AKAP19: variants seen among roughly 807,000 people sequenced by gnomAD.
AKAP19 encodes the protein A-kinase anchoring protein 19, also known as small A-kinase anchoring protein.
the AKAP19 span, among the ~76,000 whole-genome samples, chr2:189,958,479 A>G: frequency 6.7e-6 from 1 of 149,760 alleles, no homozygotes; most frequent in African/African-American, 2.4e-5. Flanking sequence ...ATATAGTAAT[A>G]TTTAATTAAG....
At chr2:189,888,500 GGA>G in the AKAP19 span, among the ~76,000 whole-genome samples, 2 of 152,090 alleles carry the variant, frequency 1.3e-5, no homozygotes, top group African/African-American at 4.8e-5. Flanking sequence ...AGCTTGATGG[GGA>G]TAGCATTGAA....
chr2:190,179,218 G>T, the AKAP19 span, among the ~76,000 whole-genome samples: 1 of 152,068 alleles, frequency 6.6e-6, no homozygotes, highest in Admixed American at 6.6e-5. The surrounding 1 kb of genome is among the most constrained non-coding windows in gnomAD (Gnocchi z 6.0). Flanking sequence ...GATCAGCCTG[G>T]CAAACATGGT....
the AKAP19 span, among the ~76,000 whole-genome samples, chr2:189,890,466 A>C: frequency 6.6e-6 from 1 of 152,030 alleles, no homozygotes; most frequent in Non-Finnish European, 1.5e-5. Flanking sequence ...TCAAGTCCTG[A>C]ATATCCTTGT....
At chr2:189,978,796 G>A in the AKAP19 span, among the ~76,000 whole-genome samples, 1 of 151,820 alleles carries the variant, frequency 6.6e-6, no homozygotes, top group South Asian at 2.1e-4. Flanking sequence ...TAGCATCCAA[G>A]CTGAGAACGA....
the AKAP19 span, among the ~76,000 whole-genome samples, chr2:190,004,726 G>A: frequency 6.6e-6 from 1 of 152,038 alleles, no homozygotes; most frequent in South Asian, 2.1e-4. Context: ...ATCATAACTA[G>A]CAGACACATC....
At chr2:190,164,589 T>C in the AKAP19 span, among the ~76,000 whole-genome samples, 1 of 152,170 alleles carries the variant, frequency 6.6e-6, no homozygotes, top group Non-Finnish European at 1.5e-5. Context: ...TATAATTTAT[T>C]TAGAATATTG....
chr2:190,160,318 G>A, the AKAP19 span, among the ~76,000 whole-genome samples: 2 of 146,232 alleles, frequency 1.4e-5, no homozygotes, highest in Non-Finnish European at 1.5e-5. Context: ...CTGTCTGGAT[G>A]GCACTAGGCT....
the AKAP19 span, among the ~76,000 whole-genome samples, chr2:189,883,441 C>G: frequency 3.3e-5 from 5 of 151,678 alleles, no homozygotes; most frequent in Non-Finnish European, 5.9e-5. Context: ...TCTCTGAAAT[C>G]AAGATGCTGA....
the AKAP19 span, among the ~76,000 whole-genome samples, chr2:190,157,295 A>G: frequency 6.6e-6 from 1 of 151,828 alleles, no homozygotes; most frequent in South Asian, 2.1e-4. Flanking sequence ...CATCAGTATG[A>G]AAATCTTAAT....
At chr2:189,890,806 A>G in the AKAP19 span, among the ~76,000 whole-genome samples, 7 of 152,162 alleles carry the variant, frequency 4.6e-5, no homozygotes, top group South Asian at 2.1e-4. Context: ...TTGAGCCTAT[A>G]TGTGTCTCTG....
chr2:190,031,124 AG>A, the AKAP19 span, among the ~76,000 whole-genome samples: 2 of 152,212 alleles, frequency 1.3e-5, no homozygotes. Context: ...GCCAGGTGAC[AG>A]GAGGATGGGT....
the AKAP19 span, among the ~76,000 whole-genome samples, chr2:189,941,458 T>C: frequency 6.6e-6 from 1 of 152,154 alleles, no homozygotes; most frequent in African/African-American, 2.4e-5. Context: ...TGAGACAACA[T>C]AAAGTCAAAA....
chr2:189,891,092 T>A, the AKAP19 span, among the ~76,000 whole-genome samples: 1 of 152,164 alleles, frequency 6.6e-6, no homozygotes, highest in Non-Finnish European at 1.5e-5. Context: ...TCAGGAGCTC[T>A]TGTAAGGCAG....
chr2:189,924,205 G>A, the AKAP19 span: 20 of 1,548,226 alleles, frequency 1.3e-5, no homozygotes, highest in East Asian at 1.1e-4. Flanking sequence ...CAATGGCGAG[G>A]ATGACTCTTA....
chr2:190,125,134 A>T, the AKAP19 span, among the ~76,000 whole-genome samples: 1 of 152,160 alleles, frequency 6.6e-6, no homozygotes, highest in East Asian at 1.9e-4. Context: ...TAAGGAGTAC[A>T]CTCTAAAGTA....
At chr2:190,068,455 G>A in the AKAP19 span, among the ~76,000 whole-genome samples, 1 of 152,050 alleles carries the variant, frequency 6.6e-6, no homozygotes, top group South Asian at 2.1e-4. Context: ...TCAGCCTCCT[G>A]AGTAGCTGGG....
the AKAP19 span, among the ~76,000 whole-genome samples, chr2:190,118,246 G>A: frequency 6.6e-6 from 1 of 152,166 alleles, no homozygotes; most frequent in African/African-American, 2.4e-5. Context: ...ACCAAAAAAA[G>A]TCCAAGACCA....
At chr2:189,930,362 G>T in the AKAP19 span, 2 of 476,468 alleles carry the variant, frequency 4.2e-6, no homozygotes, top group East Asian at 6.3e-5. Flanking sequence ...CAGTCCAGGT[G>T]GTAGATGTAC....
At chr2:190,202,221 T>C in the AKAP19 span, 6 of 167,182 alleles carry the variant, frequency 3.6e-5, no homozygotes, top group African/African-American at 1.2e-4. Flanking sequence ...ACTATGGCAG[T>C]ATACTTTTAT....
Sources: allele counts gnomAD v4.1 joint callset (sites outside exome capture counted in the v4.1 genomes callset), GRCh38; gene constraint gnomAD v4.1.1; non-coding constraint Gnocchi (gnomAD v3.1); transcripts MANE v1.5; gene names NCBI Gene and HGNC (gene_info 2026-07-23, HGNC 2026-07-21).